The following PSD3 variants were observed in gnomAD, a reference collection of about 807,000 sequenced individuals.
The protein encoded by PSD3 is PH and SEC7 domain-containing protein 3.
Under a neutral mutation model 105.5 loss-of-function variants are expected in PSD3, and 49 were observed. That is an observed-to-expected ratio of 0.46 (90% CI 0.37 to 0.59). PSD3 has a LOEUF of 0.59. PSD3 is among the 20% of genes least tolerant of loss of function. PSD3 has a pLI of 0.00. For synonymous variants in PSD3, 557 were observed against 457.8 expected, an observed-to-expected ratio of 1.22 and a Z score of -2.77; for missense variants, 1,561 against 1,263.8, an observed-to-expected ratio of 1.24 and a Z score of -3.57.
intron 9 of PSD3, among the ~76,000 whole-genome samples, chr8:18,709,177 C>T (rs1208081539): frequency 1.3e-5 from 2 of 152,174 alleles, no homozygotes; most frequent in African/African-American, 2.4e-5. Flanking sequence ...GCCAGGGAGA[C>T]TGGGCAGTTT....
At chr8:18,627,919 A>T (rs1437611857) in intron 11 of PSD3, among the ~76,000 whole-genome samples, 1 of 152,052 alleles carries the variant, frequency 6.6e-6, no homozygotes, top group African/African-American at 2.4e-5. Flanking sequence ...AAGCAATTAT[A>T]AACAGAATAA....
intron 1 of PSD3, among the ~76,000 whole-genome samples, chr8:19,075,090 C>T (rs1462391137): frequency 6.6e-6 from 1 of 151,840 alleles, no homozygotes; most frequent in Non-Finnish European, 1.5e-5. Context: ...GGATTACAGG[C>T]ACAGTACACC....
intron 9 of PSD3, among the ~76,000 whole-genome samples, chr8:18,678,433 T>C (rs1162755072): frequency 6.6e-6 from 1 of 152,240 alleles, no homozygotes; most frequent in African/African-American, 2.4e-5. Context: ...TTATTTTTCT[T>C]TCTCTCTGCC....
At chr8:18,808,076 G>C (rs932621482) in intron 4 of PSD3, among the ~76,000 whole-genome samples, 5 of 152,112 alleles carry the variant, frequency 3.3e-5, no homozygotes, top group African/African-American at 1.2e-4. Flanking sequence ...ATTTCTTTTA[G>C]GCAATTCATG....
chr8:18,593,307 G>C (rs1379361299), intron 12 of PSD3, among the ~76,000 whole-genome samples: 1 of 152,102 alleles, frequency 6.6e-6, no homozygotes, highest in African/African-American at 2.4e-5. Context: ...TCAAAGAGTG[G>C]GTGAAGGATA....
chr8:18,977,474 T>C (rs976757343), intron 1 of PSD3, among the ~76,000 whole-genome samples: 1 of 152,148 alleles, frequency 6.6e-6, no homozygotes, highest in Admixed American at 6.6e-5. Context: ...AGCCAACTAA[T>C]GTTATTTGCT....
chr8:18,820,842 C>G (rs771557788), intron 4 of PSD3, among the ~76,000 whole-genome samples: 1 of 146,008 alleles, frequency 6.8e-6, no homozygotes, highest in Non-Finnish European at 1.5e-5. Context: ...CAGCCTCAGC[C>G]TCCTGGGCAC....
At chr8:18,969,217 G>A (rs941708418) in intron 1 of PSD3, among the ~76,000 whole-genome samples, 12 of 152,242 alleles carry the variant, frequency 7.9e-5, no homozygotes, top group East Asian at 7.7e-4. Context: ...TGTAAAGTGC[G>A]AAGCAGTCAC....
intron 9 of PSD3, among the ~76,000 whole-genome samples, chr8:18,755,907 G>A (rs1056576629): frequency 2.0e-5 from 3 of 152,110 alleles, no homozygotes; most frequent in African/African-American, 4.8e-5. Context: ...GCACGTGATC[G>A]AAAGCGAAAG....
chr8:19,040,338 G>A (rs1828079358), intron 1 of PSD3, among the ~76,000 whole-genome samples: 1 of 152,106 alleles, frequency 6.6e-6, no homozygotes, highest in Admixed American at 6.6e-5. Context: ...AGCAGCTGGG[G>A]CTACCACAGG....
At chr8:18,880,596 G>A (rs923904702) in intron 2 of PSD3, among the ~76,000 whole-genome samples, 3 of 152,114 alleles carry the variant, frequency 2.0e-5, no homozygotes, top group African/African-American at 4.8e-5. Flanking sequence ...TACTTGGACC[G>A]GCATCCATGC....
chr8:18,575,133 T>G lies in PSD3; in HGVS notation c.2634A>C (p.Gln878His). ...TAAAAACCAACAAAACATACTGAGT[T>G]TGAAAAAGCAAGACCCTCCAGTCGG... is the stretch of plus-strand genomic sequence containing the variant. Reference protein sequence around the residue: ...KTADWRVLLFQTQSPEEMQGW... With the variant: ...KTADWRVLLFHTQSPEEMQGW... The change falls in exon 13 of 16, where the codon CAA becomes CAC. Residue 878 changes from glutamine (Q) to histidine (H), a missense_variant. Gln to His is a conservative substitution (Grantham distance 24). Transcript: ENST00000327040. 6.2e-7 allele frequency: 1 copy of G among 1,611,938 alleles called. No homozygotes were observed. Among genetic ancestry groups the G allele is most frequent in the Non-Finnish European group, 8.5e-7 (1 of 1,179,212 alleles).
intron 1 of PSD3, among the ~76,000 whole-genome samples, chr8:18,975,892 A>T (rs187555695): frequency 2.0e-5 from 3 of 152,324 alleles, no homozygotes; most frequent in Non-Finnish European, 2.9e-5. Flanking sequence ...ATTGAGAAAT[A>T]GGCACCCTGA....
intron 8 of PSD3, among the ~76,000 whole-genome samples, chr8:18,779,313 G>A (rs1477923409): frequency 6.6e-6 from 1 of 151,390 alleles, no homozygotes; most frequent in Non-Finnish European, 1.5e-5. Context: ...TTTTGGTTGG[G>A]ATTTTATTTG....
intron 12 of PSD3, among the ~76,000 whole-genome samples, chr8:18,580,815 C>A (rs185051870): frequency 6.6e-6 from 1 of 152,242 alleles, no homozygotes; most frequent in Non-Finnish European, 1.5e-5. Context: ...CATAGAGATT[C>A]TTGAGAGCCT....
At chr8:18,783,838 T>C (rs1245406290) in intron 8 of PSD3, among the ~76,000 whole-genome samples, 1 of 152,326 alleles carries the variant, frequency 6.6e-6, no homozygotes, top group Non-Finnish European at 1.5e-5. Flanking sequence ...TTTCACCATG[T>C]TGGCCAGGCT....
chr8:18,771,198 A>C (rs1468473545), intron 8 of PSD3, among the ~76,000 whole-genome samples: 1 of 152,156 alleles, frequency 6.6e-6, no homozygotes, highest in Non-Finnish European at 1.5e-5. Flanking sequence ...GTTTTGGAAA[A>C]GGCAACATTT....
chr8:18,658,770 T>C (rs986754186), intron 9 of PSD3, among the ~76,000 whole-genome samples: 1 of 151,836 alleles, frequency 6.6e-6, no homozygotes, highest in African/African-American at 2.4e-5. Context: ...AAACACTACC[T>C]TAAGGGTAAG....
chr8:19,023,186 T>C (rs1442188844), intron 1 of PSD3, among the ~76,000 whole-genome samples: 1 of 152,196 alleles, frequency 6.6e-6, no homozygotes, highest in Non-Finnish European at 1.5e-5. Context: ...GCTCAATCAT[T>C]TACAACCACA....
Sources: gnomAD v4.1 joint callset for allele counts (sites outside exome capture counted in the v4.1 genomes callset) on GRCh38, gnomAD v4.1.1 for gene constraint, MANE v1.5 for transcripts, NCBI Gene and HGNC (gene_info 2026-07-23, HGNC 2026-07-21) for gene names.